EDIL3: variants seen among roughly 807,000 people sequenced by gnomAD.
The protein encoded by EDIL3 is EGF like and discoidin domains 3.
Under a neutral mutation model 67.4 loss-of-function variants are expected in EDIL3, and 37 were observed. The ratio of observed to expected loss-of-function variants is 0.55; its 90% confidence interval spans 0.42 to 0.72. The LOEUF is 0.72. EDIL3 is among the 30% of genes least tolerant of loss of function. EDIL3 has a pLI of 0.00. For missense variants in EDIL3, 527 were observed against 586.3 expected, an observed-to-expected ratio of 0.90 and a Z score of 1.04; for synonymous variants, 195 against 196.3, an observed-to-expected ratio of 0.99 and a Z score of 0.05.
intron 1 of EDIL3, among the ~76,000 whole-genome samples, chr5:84,364,352 T>A (rs889620697): frequency 1.3e-5 from 2 of 152,216 alleles, no homozygotes; most frequent in Non-Finnish European, 2.9e-5. Flanking sequence ...AGAGCCAGAA[T>A]TGTCTTTTGA....
chr5:84,203,150 T>C (rs1252080725), intron 3 of EDIL3, among the ~76,000 whole-genome samples: 3 of 152,152 alleles, frequency 2.0e-5, no homozygotes, highest in Non-Finnish European at 4.4e-5. Context: ...GAAAACTAAC[T>C]AGATTTATCA....
chr5:84,294,717 C>T (rs1388097778), intron 1 of EDIL3, among the ~76,000 whole-genome samples: 1 of 152,052 alleles, frequency 6.6e-6, no homozygotes, highest in Admixed American at 6.6e-5. Flanking sequence ...AATAAATTGG[C>T]CAACATTTAC....
At chr5:84,322,025 C>T (rs1490154470) in intron 1 of EDIL3, among the ~76,000 whole-genome samples, 2 of 151,062 alleles carry the variant, frequency 1.3e-5, no homozygotes, top group African/African-American at 2.4e-5. Flanking sequence ...AAGTAATTCT[C>T]GTTATAAAGA....
chr5:84,320,958 T>C (rs1746629913), intron 1 of EDIL3, among the ~76,000 whole-genome samples: 1 of 152,164 alleles, frequency 6.6e-6, no homozygotes, highest in African/African-American at 2.4e-5. Context: ...TGCTGAGAAT[T>C]TTGTTTATAA....
chr5:84,171,349 C>G (rs918178640), intron 4 of EDIL3, among the ~76,000 whole-genome samples: 6 of 152,100 alleles, frequency 3.9e-5, no homozygotes, highest in Non-Finnish European at 8.8e-5. Flanking sequence ...GGAATAGTGT[C>G]TTTGTGCAAA....
chr5:83,957,491 C>T (rs531714331), intron 10 of EDIL3, among the ~76,000 whole-genome samples: 1 of 151,854 alleles, frequency 6.6e-6, no homozygotes, highest in African/African-American at 2.4e-5. Flanking sequence ...AAACTACTCA[C>T]TTCAGCAGAA....
At chr5:84,334,950 C>A (rs193177191) in intron 1 of EDIL3, among the ~76,000 whole-genome samples, 1 of 152,198 alleles carries the variant, frequency 6.6e-6, no homozygotes, top group Admixed American at 6.5e-5. Flanking sequence ...AGTAATTATG[C>A]AATTGTAATT....
intron 6 of EDIL3, among the ~76,000 whole-genome samples, chr5:84,090,296 G>A (rs975224612): frequency 6.6e-6 from 1 of 152,164 alleles, no homozygotes; most frequent in Non-Finnish European, 1.5e-5. Flanking sequence ...GCTTTAAAAT[G>A]TTTCACACTG....
At chr5:84,202,282 TGAGCA>T (rs1192965954) in intron 3 of EDIL3, among the ~76,000 whole-genome samples, 1 of 152,104 alleles carries the variant, frequency 6.6e-6, no homozygotes, top group Non-Finnish European at 1.5e-5. Flanking sequence ...GTATCTACAA[TGAGCA>T]GAGAGCCCCT....
intron 4 of EDIL3, among the ~76,000 whole-genome samples, chr5:84,166,321 C>T (rs924578890): frequency 1.3e-5 from 2 of 152,122 alleles, no homozygotes; most frequent in African/African-American, 2.4e-5. Context: ...AAGACACATA[C>T]TATTTAAGAG....
chr5:84,305,173 A>C (rs1004512962), intron 1 of EDIL3, among the ~76,000 whole-genome samples: 1 of 152,258 alleles, frequency 6.6e-6, no homozygotes, highest in African/African-American at 2.4e-5. Flanking sequence ...AGCAGTAATT[A>C]AATAACCCAG....
intron 9 of EDIL3, among the ~76,000 whole-genome samples, chr5:84,019,804 A>C (rs187568): frequency 0.61 from 92,647 of 151,788 alleles, 29,431 homozygotes; most frequent in East Asian, 0.75. Flanking sequence ...GAAAAAGCCC[A>C]AAATGAGCTA....
intron 3 of EDIL3, among the ~76,000 whole-genome samples, chr5:84,228,494 A>G (rs1744495849): frequency 6.6e-6 from 1 of 152,124 alleles, no homozygotes; most frequent in African/African-American, 2.4e-5. Flanking sequence ...TGGTCCTAAA[A>G]CAGGCTACAC....
chr5:83,987,471 G>A (rs1025484838), intron 9 of EDIL3, among the ~76,000 whole-genome samples: 1 of 152,046 alleles, frequency 6.6e-6, no homozygotes, highest in South Asian at 2.1e-4. Context: ...ACTTTTTAAT[G>A]TTTACTATTT....
intron 10 of EDIL3, among the ~76,000 whole-genome samples, chr5:83,950,906 C>T (rs1436523501): frequency 1.3e-5 from 2 of 151,662 alleles, no homozygotes; most frequent in East Asian, 1.9e-4. Context: ...TTAAAGCTAT[C>T]GTGCATGGTC....
chr5:84,197,260 G>A (rs1227283890), intron 3 of EDIL3, among the ~76,000 whole-genome samples: 1 of 152,012 alleles, frequency 6.6e-6, no homozygotes, highest in African/African-American at 2.4e-5. Flanking sequence ...AATACAGAGA[G>A]TTCTGGGAGG....
At chr5:84,213,903 T>C (rs1473410976) in intron 3 of EDIL3, among the ~76,000 whole-genome samples, 2 of 152,176 alleles carry the variant, frequency 1.3e-5, no homozygotes, top group African/African-American at 4.8e-5. Flanking sequence ...GAGGTAGTTA[T>C]TGCATAAAGA....
At chr5:84,045,731 A>T (rs1746209664) in intron 9 of EDIL3, among the ~76,000 whole-genome samples, 1 of 152,246 alleles carries the variant, frequency 6.6e-6, no homozygotes, top group Non-Finnish European at 1.5e-5. Context: ...AAGACATTAG[A>T]CATTTGAAAG....
At chr5:84,287,600 G>A (rs1184096323) in intron 1 of EDIL3, among the ~76,000 whole-genome samples, 3 of 152,116 alleles carry the variant, frequency 2.0e-5, no homozygotes, top group Admixed American at 6.6e-5. Context: ...TCTGTACTAT[G>A]GAAGGACACA....
Sources: allele counts gnomAD v4.1 joint callset (sites outside exome capture counted in the v4.1 genomes callset), GRCh38; gene constraint gnomAD v4.1.1; transcripts MANE v1.5; gene names NCBI Gene and HGNC (gene_info 2026-07-23, HGNC 2026-07-21).